Variants in SCLT1 observed in about 807,000 individuals in gnomAD.
SCLT1 encodes the protein sodium channel and clathrin linker 1, also known as sodium channel-associated protein 1.
SCLT1 carries 78 observed loss-of-function variants against 112.8 expected under a neutral mutation model. That is an observed-to-expected ratio of 0.69 (90% CI 0.58 to 0.83). The LOEUF is 0.83. SCLT1 is among the 40% of genes least tolerant of loss of function. The pLI is 0.00. For synonymous variants in SCLT1, 257 were observed against 254.7 expected, an observed-to-expected ratio of 1.01 and a Z score of -0.09; for missense variants, 747 against 770.4, an observed-to-expected ratio of 0.97 and a Z score of 0.36.
At chr4:128,902,796 A>T (rs980944085) in intron 18 of SCLT1, among the ~76,000 whole-genome samples, 4 of 152,124 alleles carry the variant, frequency 2.6e-5, no homozygotes, top group African/African-American at 9.7e-5. Flanking sequence ...TTAACTTTTG[A>T]CTCTAAAACA....
chr4:128,995,883 A>C (rs1396891164), intron 8 of SCLT1, among the ~76,000 whole-genome samples: 1 of 151,984 alleles, frequency 6.6e-6, no homozygotes, highest in Non-Finnish European at 1.5e-5. Flanking sequence ...CTGAATTTTC[A>C]TCTACTTACT....
intron 18 of SCLT1, among the ~76,000 whole-genome samples, chr4:128,918,892 T>C (rs1283292126): frequency 6.6e-6 from 1 of 152,154 alleles, no homozygotes; most frequent in African/African-American, 2.4e-5. Context: ...CCTAAATATA[T>C]ATGCATCTAG....
intron 18 of SCLT1, among the ~76,000 whole-genome samples, chr4:128,905,004 CTG>C (rs779222904): frequency 1.2e-4 from 18 of 152,150 alleles, no homozygotes; most frequent in Non-Finnish European, 1.5e-4. Context: ...TAGTCCATGA[CTG>C]TAAATATAAC....
intron 18 of SCLT1, among the ~76,000 whole-genome samples, chr4:128,909,402 C>T (rs376089478): frequency 1.4e-4 from 22 of 152,084 alleles, no homozygotes; most frequent in African/African-American, 4.6e-4. Context: ...GGCACACACA[C>T]CATGCCCAGA....
intron 17 of SCLT1, among the ~76,000 whole-genome samples, chr4:128,940,080 C>T (rs779321493): frequency 2.6e-5 from 4 of 151,820 alleles, no homozygotes; most frequent in Non-Finnish European, 5.9e-5. Context: ...TTTTGTTGTC[C>T]ATAACATCAG....
At chr4:128,878,627 T>G (rs1006559532) in intron 3 of SCLT1, among the ~76,000 whole-genome samples, 6 of 152,184 alleles carry the variant, frequency 3.9e-5, no homozygotes, top group African/African-American at 1.4e-4. Context: ...TATCACACTC[T>G]GAAAGGAAAT....
intron 9 of SCLT1, among the ~76,000 whole-genome samples, chr4:128,986,451 G>A (rs1237244068): frequency 6.6e-6 from 1 of 152,188 alleles, no homozygotes; most frequent in African/African-American, 2.4e-5. Context: ...ACTGGTCTCA[G>A]AGGCAGTGCA....
At chr4:128,992,080 A>T in intron 9 of SCLT1, 87 bp downstream of exon 9, 1 of 795,118 alleles carries the variant, frequency 1.3e-6, no homozygotes. Flanking sequence ...AGGCAAAAAA[A>T]CACCCATGGG....
intron 18 of SCLT1, among the ~76,000 whole-genome samples, chr4:128,897,318 T>G (rs1200568276): frequency 7.9e-5 from 12 of 151,972 alleles, no homozygotes; most frequent in Admixed American, 4.6e-4. Context: ...GACTAACAGC[T>G]GATCTCTCGG....
chr4:129,025,138 C>T (rs1482968925), intron 5 of SCLT1, among the ~76,000 whole-genome samples: 1 of 152,184 alleles, frequency 6.6e-6, no homozygotes, highest in African/African-American at 2.4e-5. Context: ...GGATATTATT[C>T]AGGAGAACTT....
intron 9 of SCLT1, among the ~76,000 whole-genome samples, chr4:128,981,648 C>T (rs1172113815): frequency 1.3e-5 from 2 of 151,646 alleles, no homozygotes; most frequent in Admixed American, 6.6e-5. Context: ...GACTCACTGG[C>T]CCCCTACCCG....
At chr4:128,961,266 A>G (rs1040078908) in intron 11 of SCLT1, among the ~76,000 whole-genome samples, 3 of 151,644 alleles carry the variant, frequency 2.0e-5, no homozygotes, top group African/African-American at 7.2e-5. Flanking sequence ...ATGATGTAAG[A>G]GAAGAGTCCA....
intron 4 of SCLT1, chr4:128,875,014 AAAAG>A (rs1297046632): frequency 1.3e-5 from 2 of 151,074 alleles, no homozygotes; most frequent in South Asian, 2.1e-4. Context: ...GAAAAAAAAA[AAAAG>A]GTGCATGAAG....
intron 18 of SCLT1, among the ~76,000 whole-genome samples, chr4:128,907,240 AGAG>A (rs1349207952): frequency 6.6e-6 from 1 of 152,206 alleles, no homozygotes; most frequent in Non-Finnish European, 1.5e-5. Context: ...TATTTTAAGA[AGAG>A]AAGTGACGAT....
At chr4:129,026,382 C>T (rs533543685) in intron 5 of SCLT1, among the ~76,000 whole-genome samples, 1 of 152,112 alleles carries the variant, frequency 6.6e-6, no homozygotes, top group East Asian at 1.9e-4. Flanking sequence ...AACTAGAACT[C>T]AGGACTAAGA....
intron 1 of SCLT1, among the ~76,000 whole-genome samples, chr4:129,092,286 AAT>A (rs547429848): frequency 1.4e-4 from 22 of 152,144 alleles, no homozygotes; most frequent in Non-Finnish European, 2.5e-4. Flanking sequence ...AATTTACATC[AAT>A]ATTACACTCA....
chr4:129,037,226 A>AT (rs1295315758), intron 5 of SCLT1: 1 of 151,996 alleles, frequency 6.6e-6, no homozygotes, highest in Non-Finnish European at 1.5e-5. Context: ...TGAAACACCT[A>AT]TTATCTAATG....
intron 18 of SCLT1, among the ~76,000 whole-genome samples, chr4:128,917,788 TC>T (rs1735582830): frequency 6.6e-6 from 1 of 152,154 alleles, no homozygotes; most frequent in Non-Finnish European, 1.5e-5. Context: ...ACTTCCTCTT[TC>T]CTGGATGGCA....
intron 16 of SCLT1, among the ~76,000 whole-genome samples, chr4:128,944,142 C>T (rs1256513546): frequency 1.3e-5 from 2 of 152,076 alleles, no homozygotes; most frequent in African/African-American, 4.8e-5. Flanking sequence ...ATCTTTGCTT[C>T]CCCAGCAACT....
Sources: gnomAD v4.1 joint callset for allele counts (sites outside exome capture counted in the v4.1 genomes callset) on GRCh38, gnomAD v4.1.1 for gene constraint, MANE v1.5 for transcripts, NCBI Gene and HGNC (gene_info 2026-07-23, HGNC 2026-07-21) for gene names.